ADGRL2: variants seen among roughly 807,000 people sequenced by gnomAD.
ADGRL2 encodes adhesion G protein-coupled receptor L2.
Under a neutral mutation model 157.4 loss-of-function variants are expected in ADGRL2, and 44 were observed. That is an observed-to-expected ratio of 0.28 (90% CI 0.22 to 0.36). ADGRL2 has a LOEUF of 0.36. Ranked by LOEUF, ADGRL2 falls within the 10% of genes least tolerant of loss-of-function variation. The pLI is 1.00. For synonymous variants in ADGRL2, 585 were observed against 624.7 expected, an observed-to-expected ratio of 0.94 and a Z score of 0.95; for missense variants, 1,510 against 1,768.9, an observed-to-expected ratio of 0.85 and a Z score of 2.63.
At chr1:81,581,898 A>G (rs1051758780) in intron 3 of ADGRL2, among the ~76,000 whole-genome samples, 1 of 151,618 alleles carries the variant, frequency 6.6e-6, no homozygotes, top group Non-Finnish European at 1.5e-5. Flanking sequence ...ACACACACAC[A>G]CACACACACA....
chr1:81,797,780 G>A (rs1498214), upstream of ADGRL2, among the ~76,000 whole-genome samples: 1 of 151,916 alleles, frequency 6.6e-6, no homozygotes, highest in African/African-American at 2.4e-5. Flanking sequence ...GTTTCTTAAG[G>A]TTACTAAAAT....
At chr1:81,559,879 T>C (rs1333374943) in intron 2 of ADGRL2, among the ~76,000 whole-genome samples, 2 of 152,236 alleles carry the variant, frequency 1.3e-5, no homozygotes, top group East Asian at 3.8e-4. Flanking sequence ...AATAGTTTAA[T>C]ATTAAACATC....
chr1:81,794,141 A>C (rs1385646530), intron 2 of ADGRL2, among the ~76,000 whole-genome samples: 1 of 152,172 alleles, frequency 6.6e-6, no homozygotes, highest in East Asian at 1.9e-4. Flanking sequence ...TTCAGTTGTC[A>C]TTAGATAATA....
intron 1 of ADGRL2, among the ~76,000 whole-genome samples, chr1:81,425,985 G>C (rs1221048599): frequency 1.3e-5 from 2 of 152,018 alleles, no homozygotes; most frequent in Non-Finnish European, 2.9e-5. Flanking sequence ...TCCCACCTCA[G>C]CCTCCCAAGT....
chr1:81,547,075 G>A (rs1232069913), intron 2 of ADGRL2, among the ~76,000 whole-genome samples: 1 of 152,102 alleles, frequency 6.6e-6, no homozygotes, highest in Non-Finnish European at 1.5e-5. Flanking sequence ...ACCGTGAATG[G>A]CTTCATTTTC....
chr1:81,721,682 G>C (rs2084326921), intron 1 of ADGRL2: 3 of 1,228,690 alleles, frequency 2.4e-6, no homozygotes, highest in Non-Finnish European at 3.5e-6. Context: ...TTCGCCCACT[G>C]CTTCCTGACC....
At position 81,447,333 on chromosome 1, in the gene ADGRL2, A is replaced by T. The variant is rs1431295674; in HGVS notation, c.-248+2244A>T. 2.6e-5 allele frequency among the ~76,000 whole-genome samples: 4 copies of T among 152,326 alleles called. No homozygotes were observed. In the East Asian group the frequency reaches 7.7e-4, roughly 29 times the overall value. On this transcript the variant is annotated intron_variant, in intron 2 of 24. Transcript: ENST00000370721. ...GTTACTGTGGAAGGGATAATATTAG[A>T]TATTAAGAGAGTGCTTTAGGGTAAT...
chr1:81,448,482 A>G (rs2077643593), intron 2 of ADGRL2, among the ~76,000 whole-genome samples: 1 of 151,822 alleles, frequency 6.6e-6, no homozygotes, highest in Admixed American at 6.6e-5. Flanking sequence ...TGTCTCAGAT[A>G]TTTCTTTATA....
chr1:81,509,424 A>G (rs181385790), intron 2 of ADGRL2, among the ~76,000 whole-genome samples: 10 of 152,068 alleles, frequency 6.6e-5, no homozygotes, highest in African/African-American at 2.2e-4. Context: ...TCTATCTGCT[A>G]CCAGACCTTC....
chr1:81,719,965 C>T (rs1413319181), intron 1 of ADGRL2, among the ~76,000 whole-genome samples: 1 of 151,852 alleles, frequency 6.6e-6, no homozygotes, highest in Non-Finnish European at 1.5e-5. Context: ...TACCACATTC[C>T]ACCCCCTGCC....
intron 2 of ADGRL2, among the ~76,000 whole-genome samples, chr1:81,848,999 C>G (rs959900924): frequency 5.3e-5 from 8 of 152,016 alleles, no homozygotes; most frequent in African/African-American, 1.7e-4. Flanking sequence ...ACAGGAAGCT[C>G]GTTTAATCCT....
intron 1 of ADGRL2, among the ~76,000 whole-genome samples, chr1:81,384,541 T>C (rs1387080871): frequency 6.6e-6 from 1 of 152,200 alleles, no homozygotes; most frequent in Non-Finnish European, 1.5e-5. Flanking sequence ...CATTTTAAAT[T>C]TATCTTTAAA....
At chr1:81,917,895 A>G (rs2148538822) in intron 3 of ADGRL2, among the ~76,000 whole-genome samples, 1 of 152,318 alleles carries the variant, frequency 6.6e-6, no homozygotes, top group South Asian at 2.1e-4. Context: ...ACAGCCCTTC[A>G]CTTGCGTGGG....
chr1:81,876,183 T>C (rs1463008028), intron 2 of ADGRL2, among the ~76,000 whole-genome samples: 1 of 152,144 alleles, frequency 6.6e-6, no homozygotes, highest in East Asian at 1.9e-4. Context: ...ACATTAAGAA[T>C]GTAGAGTTTT....
At chr1:81,462,298 C>G (rs1433008260) in intron 2 of ADGRL2, among the ~76,000 whole-genome samples, 1 of 152,196 alleles carries the variant, frequency 6.6e-6, no homozygotes, top group African/African-American at 2.4e-5. Flanking sequence ...GCAGCAGCAA[C>G]CTGCTCTGCT....
chr1:81,514,568 T>G (rs1481765259), intron 2 of ADGRL2: 2 of 152,216 alleles, frequency 1.3e-5, no homozygotes, highest in African/African-American at 4.8e-5. Flanking sequence ...TGCGCAGATT[T>G]TCCTTCCAAA....
chr1:81,677,374 C>T (rs1030264558), intron 3 of ADGRL2, among the ~76,000 whole-genome samples: 3 of 152,314 alleles, frequency 2.0e-5, no homozygotes, highest in Admixed American at 6.5e-5. Context: ...TCTTAACTTT[C>T]CTGAGCTTCA....
chr1:81,733,190 T>C (rs1304397016), intron 1 of ADGRL2, among the ~76,000 whole-genome samples: 2 of 152,200 alleles, frequency 1.3e-5, no homozygotes, highest in African/African-American at 2.4e-5. Context: ...ATTACCACAT[T>C]GTGAAGAGTC....
chr1:81,810,821 T>C (rs924647321), intron 1 of ADGRL2, among the ~76,000 whole-genome samples: 10 of 151,900 alleles, frequency 6.6e-5, no homozygotes, highest in Non-Finnish European at 4.4e-5. Context: ...TTGCCTCATA[T>C]GCGTCGACAA....
Sources: allele counts gnomAD v4.1 joint callset (sites outside exome capture counted in the v4.1 genomes callset), GRCh38; gene constraint gnomAD v4.1.1; transcripts MANE v1.5; gene names NCBI Gene and HGNC (gene_info 2026-07-23, HGNC 2026-07-21).